The following CRYZ variants were observed in gnomAD, a reference collection of about 807,000 sequenced individuals.
CRYZ encodes the protein crystallin zeta.
In CRYZ, 35 loss-of-function variants were observed where a neutral mutation model predicts 34.1. The ratio of observed to expected loss-of-function variants is 1.03; its 90% CI spans 0.78 to 1.36. CRYZ has a LOEUF of 1.36. Among genes scored for constraint, CRYZ ranks in the 40% most tolerant of loss-of-function variants. The pLI is 0.00. For synonymous variants in CRYZ, 137 were observed against 136.5 expected, an observed-to-expected ratio of 1.00 and a Z score of -0.03; for missense variants, 403 against 391.8, an observed-to-expected ratio of 1.03 and a Z score of -0.24.
chr1:74,719,345 T>C lies in CRYZ; in HGVS notation c.292A>G (p.Thr98Ala). The change falls in exon 4 of 9, where the codon ACG (threonine) becomes GCG (alanine). Residue 98 changes from threonine (T) to alanine (A), a missense_variant. Transcript: ENST00000340866. ...KKGDRVFTSS[T>A]ISGGYAEYAL... ...TACTCTGCATAACCCCCAGAGATCGTGCTGCTAGTGAAAACTCTGTCACCT... is the reference window on the plus strand; with the variant it reads ...TACTCTGCATAACCCCCAGAGATCGCGCTGCTAGTGAAAACTCTGTCACCT... 6.2e-7 allele frequency: 1 copy of C among 1,612,086 alleles called. No individual in the cohort carries two copies. The highest frequency in any genetic ancestry group is 8.5e-7 in the Non-Finnish European group (1 of 1,178,334).
At chr1:74,715,516 AGTCCT>A (rs1279859359) in intron 4 of CRYZ, among the ~76,000 whole-genome samples, 1 of 152,190 alleles carries the variant, frequency 6.6e-6, no homozygotes, top group Non-Finnish European at 1.5e-5. Context: ...CAGTAACCAG[AGTCCT>A]GCTCCCAGCT....
At chr1:74,715,319 G>C (rs959793832) in intron 4 of CRYZ, among the ~76,000 whole-genome samples, 1 of 152,204 alleles carries the variant, frequency 6.6e-6, no homozygotes, top group Non-Finnish European at 1.5e-5. Flanking sequence ...CTGAAAAGAA[G>C]GGACATGCAG....
intron 1 of CRYZ, among the ~76,000 whole-genome samples, chr1:74,732,236 C>G (rs888432656): frequency 6.9e-6 from 1 of 144,276 alleles, no homozygotes; most frequent in East Asian, 2.1e-4. Flanking sequence ...GAGAAGAAAT[C>G]AAATCCCCTA....
intron 4 of CRYZ, among the ~76,000 whole-genome samples, chr1:74,718,294 A>G (rs748158282): frequency 2.6e-5 from 4 of 152,046 alleles, no homozygotes; most frequent in Non-Finnish European, 4.4e-5. Context: ...GGAGACTCCT[A>G]TAAGACGCTC....
At chr1:74,725,057 A>G (rs907551792) in intron 1 of CRYZ, among the ~76,000 whole-genome samples, 1 of 152,232 alleles carries the variant, frequency 6.6e-6, no homozygotes, top group Non-Finnish European at 1.5e-5. Context: ...AGTGCCTTCA[A>G]CAAAGGAATC....
rs1042396231 is a variant in CRYZ at position 74,724,857 on chromosome 1, G to A, written c.-13-23C>T. 6 of 1,355,000 alleles carry A rather than the reference G, an allele frequency of 4.4e-6. No individual in the cohort carries two copies. The African/African-American group carries it at 8.7e-5, about 20-fold the overall frequency. The allele number at this position is 1,355,000 out of a possible 1,614,324, so 83.9% of individuals were successfully genotyped here. On this transcript the variant is annotated intron_variant, in intron 1 of 8. Transcript: ENST00000340866. ...ATACTAAGGAAGAAAAAAAATTAAT[G>A]TATTGTCACATTGTATCTAGGATAT... is the stretch of plus-strand genomic sequence containing the variant.
chr1:74,715,222 T>A (rs1263010942), intron 4 of CRYZ, among the ~76,000 whole-genome samples: 2 of 152,214 alleles, frequency 1.3e-5, no homozygotes, highest in African/African-American at 2.4e-5. Flanking sequence ...AAGATTCCCA[T>A]GTCATCCCCC....
rs1647330958 is a variant in CRYZ at position 74,726,211 on chromosome 1, T to A, written c.-13-1377A>T. Among the ~76,000 whole-genome samples, 2 of 152,330 alleles carry A rather than the reference T, an allele frequency of 1.3e-5. 1 individual carries two copies. The highest frequency in any genetic ancestry group is 4.1e-4 in the South Asian group (2 of 4,826). ...GGGGGCTCCCAGCCCACATTTCCCT[T>A]CTGCACTGCCCTAGCAGAGGTAGGT... On this transcript the variant is annotated intron_variant, in intron 1 of 8. Coordinates refer to ENST00000340866, the MANE Select transcript of CRYZ (RefSeq NM_001889.4).
At chr1:74,723,960 G>C (rs1026174102) in intron 2 of CRYZ, among the ~76,000 whole-genome samples, 1 of 152,172 alleles carries the variant, frequency 6.6e-6, no homozygotes, top group Non-Finnish European at 1.5e-5. Flanking sequence ...GTAAGGGAAG[G>C]CTTTATAAAG....
chr1:74,713,686 T>A (rs1647034393), intron 5 of CRYZ, among the ~76,000 whole-genome samples: 1 of 152,192 alleles, frequency 6.6e-6, no homozygotes, highest in Admixed American at 6.5e-5. Context: ...CACTCATTAT[T>A]CAGGGGACTA....
chr1:74,726,731 T>C (rs999741911), intron 1 of CRYZ, among the ~76,000 whole-genome samples: 8 of 152,222 alleles, frequency 5.3e-5, no homozygotes, highest in Non-Finnish European at 1.2e-4. Context: ...TTCTGAAATT[T>C]TATGCTCTGC....
chr1:74,728,423 A>G (rs1647501579), intron 1 of CRYZ, among the ~76,000 whole-genome samples: 1 of 152,242 alleles, frequency 6.6e-6, no homozygotes, highest in Admixed American at 6.5e-5. Flanking sequence ...GGTTTTGACT[A>G]TATCCCCATA....
chr1:74,719,168 C>T, intron 4 of CRYZ, 41 bp downstream of exon 4: 4 of 1,600,200 alleles, frequency 2.5e-6, no homozygotes, highest in Non-Finnish European at 3.4e-6. Context: ...ACACTACCCT[C>T]TTTTGGCATT....
chr1:74,721,513 T>A (rs1238332935), intron 3 of CRYZ, among the ~76,000 whole-genome samples: 4 of 152,176 alleles, frequency 2.6e-5, no homozygotes, highest in Non-Finnish European at 4.4e-5. Context: ...CAATCAGAAT[T>A]AAATTCTATA....
In CRYZ at chr1:74,706,073, C is replaced by T. The variant is rs1646923488; in HGVS notation, c.*223G>A. 1.2e-5 allele frequency: 5 copies of T among 402,028 alleles called. No individual in the cohort carries two copies. The highest frequency in any genetic ancestry group is 8.9e-6 in the Non-Finnish European group (2 of 225,446). 24.9% of individuals were successfully genotyped at this position (402,028 alleles called of 1,614,324 possible). On this transcript the variant is annotated 3_prime_UTR_variant, in exon 9 of 9. Coordinates refer to ENST00000340866, the MANE Select transcript of CRYZ (RefSeq NM_001889.4). ...CCAAATGACAACTAACATGTTATTT[C>T]CTACTATGATGACTCTTTGATTTGA...
At chr1:74,723,333 G>A in intron 2 of CRYZ, 63 bp from the exon 3 acceptor site, 1 of 1,499,982 alleles carries the variant, frequency 6.7e-7, no homozygotes, top group African/African-American at 1.4e-5. Context: ...CTTTATGCTA[G>A]GACTGTGCTG....
chr1:74,728,815 T>C (rs1190017266), intron 1 of CRYZ, among the ~76,000 whole-genome samples: 1 of 152,212 alleles, frequency 6.6e-6, no homozygotes, highest in African/African-American at 2.4e-5. Flanking sequence ...TTTCCAAAGG[T>C]TGTTTAGCAA....
chr1:74,729,385 C>T (rs1232001767), intron 1 of CRYZ, among the ~76,000 whole-genome samples: 1 of 151,006 alleles, frequency 6.6e-6, no homozygotes, highest in Non-Finnish European at 1.5e-5. Flanking sequence ...TTGTTTTCCC[C>T]TCTATTCTTC....
At chr1:74,726,484 G>A (rs886386651) in intron 1 of CRYZ, among the ~76,000 whole-genome samples, 4 of 152,154 alleles carry the variant, frequency 2.6e-5, no homozygotes, top group Non-Finnish European at 5.9e-5. Flanking sequence ...GGCTGCACAC[G>A]GCATGGAGGC....
Sources: allele counts gnomAD v4.1 joint callset (sites outside exome capture counted in the v4.1 genomes callset), GRCh38; gene constraint gnomAD v4.1.1; transcripts MANE v1.5; gene names NCBI Gene and HGNC (gene_info 2026-07-23, HGNC 2026-07-21).